Variants in PCNX2 observed in about 807,000 individuals in gnomAD.
PCNX2 encodes pecanex-like protein 2.
Under a neutral mutation model 223.8 loss-of-function variants are expected in PCNX2, and 168 were observed. That is an observed-to-expected ratio of 0.75 (90% CI 0.66 to 0.85). The LOEUF (loss-of-function observed/expected upper bound fraction) is 0.85. Among genes scored for constraint, PCNX2 ranks in the 40% least tolerant of loss-of-function variants. The pLI is 0.00. For synonymous variants in PCNX2, 1,006 were observed against 1,052.6 expected, an observed-to-expected ratio of 0.96 and a Z score of 0.86; for missense variants, 2,507 against 2,675.5, an observed-to-expected ratio of 0.94 and a Z score of 1.39.
chr1:233,223,057 A>C (rs1657486854), intron 10 of PCNX2, among the ~76,000 whole-genome samples: 1 of 152,204 alleles, frequency 6.6e-6, no homozygotes, highest in African/African-American at 2.4e-5. Flanking sequence ...CTTTGCAGCC[A>C]CTGGGGACTT....
intron 18 of PCNX2, 92 bp from the exon 19 acceptor site, chr1:233,160,525 C>T: frequency 7.3e-7 from 1 of 1,366,152 alleles, no homozygotes; most frequent in Non-Finnish European, 1.0e-6. Context: ...TGTCCTTCCA[C>T]TTTTTCCTCT....
chr1:233,011,010 C>A (rs561093961), intron 28 of PCNX2, among the ~76,000 whole-genome samples: 18 of 152,186 alleles, frequency 1.2e-4, no homozygotes, highest in Admixed American at 1.1e-3. Flanking sequence ...TGCTTTAGCA[C>A]TAACTATGTA....
At chr1:233,264,956 C>T (rs142092341) in intron 1 of PCNX2, among the ~76,000 whole-genome samples, 1,545 of 152,102 alleles carry the variant, frequency 0.01, 14 homozygotes, top group South Asian at 0.027. Flanking sequence ...AATGATATTC[C>T]GCCAGGCATA....
chr1:233,279,710 C>T (rs1264334333), intron 1 of PCNX2, among the ~76,000 whole-genome samples: 1 of 151,816 alleles, frequency 6.6e-6, no homozygotes, highest in Non-Finnish European at 1.5e-5. Flanking sequence ...TTTTCTTTAC[C>T]CTGTACTACA....
intron 19 of PCNX2, among the ~76,000 whole-genome samples, chr1:233,143,148 G>A (rs1015580048): frequency 1.3e-5 from 2 of 152,248 alleles, no homozygotes; most frequent in Non-Finnish European, 2.9e-5. Context: ...TGTCACAAAC[G>A]TAATGCTGTC....
chr1:232,997,701 T>C (rs1669921983), intron 32 of PCNX2, among the ~76,000 whole-genome samples: 1 of 152,222 alleles, frequency 6.6e-6, no homozygotes, highest in Admixed American at 6.5e-5. Context: ...TTAAACATAA[T>C]TTTAAACTTT....
intron 17 of PCNX2, among the ~76,000 whole-genome samples, chr1:233,162,503 A>C (rs543870650): frequency 1.1e-4 from 17 of 152,218 alleles, no homozygotes; most frequent in Non-Finnish European, 2.4e-4. Flanking sequence ...ACAGTGAAAA[A>C]GTCGGGACCC....
At chr1:233,309,546 T>TAA in the PCNX2 span, among the ~76,000 whole-genome samples, 1 of 142,778 alleles carries the variant, frequency 7.0e-6, no homozygotes, top group African/African-American at 2.7e-5. Flanking sequence ...CTCAAAAAAA[T>TAA]AATAATAATA....
At chr1:233,256,674 T>C (rs562328044) in intron 5 of PCNX2, among the ~76,000 whole-genome samples, 2 of 152,350 alleles carry the variant, frequency 1.3e-5, no homozygotes, top group South Asian at 4.1e-4. Flanking sequence ...GGAATATTTC[T>C]ATCACTGCAG....
chr1:233,203,940 C>T (rs1343395312), intron 13 of PCNX2, among the ~76,000 whole-genome samples: 1 of 152,198 alleles, frequency 6.6e-6, no homozygotes, highest in Admixed American at 6.5e-5. Flanking sequence ...GCATGAGAAG[C>T]ACAATAAATC....
At position 232,986,173 on chromosome 1, in the gene PCNX2, GC is replaced by G. The variant is rs755011720; in HGVS notation, c.6158del (p.Gly2053AlafsTer15). 5.2e-5 allele frequency: 81 copies of G among 1,563,914 alleles called. No individual in the cohort carries two copies. The highest frequency in any genetic ancestry group is 1.4e-5 in the African/African-American group (1 of 73,916). ...VISGLSAAEG[G>X]NTSDTQSSSS... ...TGGATGACTGGGTGTCACTGGTATT[GC>G]CCCCCTCCGCAGCAGAGAGTCCGGA... On this transcript the variant is annotated frameshift_variant, in exon 33 of 34. Transcript: ENST00000258229. LOFTEE classifies it high-confidence loss of function.
chr1:233,225,110 T>TAAAAAA (rs71173259), intron 10 of PCNX2, among the ~76,000 whole-genome samples: 3 of 42,212 alleles, frequency 7.1e-5, no homozygotes, highest in East Asian at 6.4e-4. Flanking sequence ...AGAACTAAAG[T>TAAAAAA]AAAAAAAAAA....
intron 25 of PCNX2, among the ~76,000 whole-genome samples, chr1:233,040,282 C>T (rs1363685126): frequency 6.6e-6 from 1 of 152,184 alleles, no homozygotes; most frequent in Non-Finnish European, 1.5e-5. Context: ...ATGCCTAGAT[C>T]AACTTCGTTT....
At chr1:233,140,890 G>A (rs577094974) in intron 19 of PCNX2, among the ~76,000 whole-genome samples, 1 of 152,234 alleles carries the variant, frequency 6.6e-6, no homozygotes, top group East Asian at 1.9e-4. Flanking sequence ...TCAGTAATTG[G>A]GAGGCTGCAG....
intron 23 of PCNX2, among the ~76,000 whole-genome samples, chr1:233,066,971 T>C (rs1463684459): frequency 6.6e-6 from 1 of 151,870 alleles, no homozygotes; most frequent in Non-Finnish European, 1.5e-5. Context: ...CCACCCCCTA[T>C]CAAGCAATAA....
At chr1:233,210,353 C>G (rs1681750630) in intron 12 of PCNX2, 1 of 152,396 alleles carries the variant, frequency 6.6e-6, no homozygotes, top group Non-Finnish European at 1.5e-5. Flanking sequence ...TCTTGGCTCA[C>G]TGCAACCTCT....
At chr1:233,056,772 G>T (rs1482405682) in intron 24 of PCNX2, among the ~76,000 whole-genome samples, 1 of 152,080 alleles carries the variant, frequency 6.6e-6, no homozygotes, top group Non-Finnish European at 1.5e-5. Context: ...ATTATGGAAA[G>T]AAAAAAGTAA....
At chr1:233,017,863 G>A (rs1416159993) in intron 26 of PCNX2, among the ~76,000 whole-genome samples, 1 of 152,204 alleles carries the variant, frequency 6.6e-6, no homozygotes, top group Non-Finnish European at 1.5e-5. Context: ...CATCCTTTCT[G>A]AGAAAAGCAC....
the PCNX2 span, among the ~76,000 whole-genome samples, chr1:233,310,253 C>G: frequency 6.6e-6 from 1 of 151,990 alleles, no homozygotes. Context: ...AAAATTTTTG[C>G]TCAAAACCTG....
Sources: gnomAD v4.1 joint callset for allele counts (sites outside exome capture counted in the v4.1 genomes callset) on GRCh38, gnomAD v4.1.1 for gene constraint, MANE v1.5 for transcripts, NCBI Gene and HGNC (gene_info 2026-07-23, HGNC 2026-07-21) for gene names.